Variants in TBC1D1 observed in about 807,000 individuals in gnomAD.
TBC1D1 encodes the protein TBC1 domain family member 1, also known as TBC1 (tre-2/USP6, BUB2, cdc16) domain family, member 1.
A neutral mutation model predicts 125.6 loss-of-function variants in TBC1D1; 89 were observed. The ratio of observed to expected loss-of-function variants is 0.71; its 90% CI spans 0.60 to 0.85. The LOEUF is 0.85. Ranked by LOEUF, TBC1D1 falls within the 40% of genes least tolerant of loss-of-function variation. The probability of loss-of-function intolerance (pLI) is 0.00; values close to 1 mark genes in which losing one functional copy is unlikely to be tolerated. For missense variants in TBC1D1, 1,377 were observed against 1,469.2 expected (o/e 0.94, Z 1.03); for synonymous variants, 565 against 564.1 (o/e 1.00, Z -0.02).
intron 2 of TBC1D1, chr4:37,951,887 T>C: frequency 1.5e-6 from 1 of 688,222 alleles, no homozygotes; most frequent in Non-Finnish European, 2.7e-6. Flanking sequence ...AATACTGACA[T>C]GGAGTTCAGG....
chr4:38,003,251 A>G (rs1264878097), intron 2 of TBC1D1, among the ~76,000 whole-genome samples: 2 of 152,156 alleles, frequency 1.3e-5, no homozygotes, highest in African/African-American at 4.8e-5. Flanking sequence ...GTATTTTGTA[A>G]GGTAGTGGTT....
At chr4:37,941,252 G>A (rs1206790218) in intron 2 of TBC1D1, among the ~76,000 whole-genome samples, 3 of 152,174 alleles carry the variant, frequency 2.0e-5, no homozygotes, top group African/African-American at 7.2e-5. Flanking sequence ...TTAGTCTTGG[G>A]AGAGTGTATG....
chr4:38,061,890 CAT>C (rs1235308138), intron 12 of TBC1D1, among the ~76,000 whole-genome samples: 1 of 152,122 alleles, frequency 6.6e-6, no homozygotes, highest in Non-Finnish European at 1.5e-5. Flanking sequence ...TTACATGTGT[CAT>C]ATATAGTTTT....
At chr4:37,891,439 CG>C in intron 1 of TBC1D1, 91 bp downstream of exon 1, 1 of 152,258 alleles carries the variant, frequency 6.6e-6, no homozygotes, top group South Asian at 2.1e-4. Flanking sequence ...GCCCCTGCCC[CG>C]CCTGGCCGCG....
intron 7 of TBC1D1, among the ~76,000 whole-genome samples, chr4:38,034,017 C>T (rs1746724999): frequency 6.6e-6 from 1 of 152,154 alleles, no homozygotes; most frequent in Non-Finnish European, 1.5e-5. Context: ...GGGTAAACAC[C>T]AAGGAGTGCA....
chr4:37,971,709 A>T (rs6828973), intron 2 of TBC1D1, among the ~76,000 whole-genome samples: 1 of 151,982 alleles, frequency 6.6e-6, no homozygotes, highest in African/African-American at 2.4e-5. Context: ...AAAGGATCTA[A>T]AACTGTAAGA....
intron 12 of TBC1D1, among the ~76,000 whole-genome samples, chr4:38,077,379 TGAG>T (rs964933595): frequency 9.2e-5 from 14 of 152,334 alleles, no homozygotes; most frequent in African/African-American, 2.4e-4. Context: ...CTGCAGCTAT[TGAG>T]GAGAAGAGTC....
At chr4:38,035,498 G>A in intron 7 of TBC1D1, 90 bp from the exon 8 acceptor site, 1 of 960,746 alleles carries the variant, frequency 1.0e-6, no homozygotes, top group South Asian at 1.5e-5. Flanking sequence ...CACTAGTTTA[G>A]TGGATGGAAG....
chr4:38,002,232 A>G (rs1739219435), intron 2 of TBC1D1, among the ~76,000 whole-genome samples: 1 of 152,222 alleles, frequency 6.6e-6, no homozygotes, highest in African/African-American at 2.4e-5. Context: ...TATACCCACC[A>G]TAAAAAAGAA....
Position 38,124,945 on chromosome 4 carries a change from T to G in TBC1D1, c.2963-17T>G. On this transcript the variant is annotated splice_polypyrimidine_tract_variant and intron_variant, in intron 17 of 19. Transcript: ENST00000261439. ...AACTGGTCTGGTTTAACTTTCTGCATTTCTGTGTTTTCTCAGATATGATTT... is the reference window on the plus strand; with the variant it reads ...AACTGGTCTGGTTTAACTTTCTGCAGTTCTGTGTTTTCTCAGATATGATTT... 1 of 1,612,348 alleles carries G rather than the reference T, an allele frequency of 6.2e-7. No individual in the cohort carries two copies. Among genetic ancestry groups the G allele is most frequent in the Non-Finnish European group, 8.5e-7 (1 of 1,178,996 alleles).
chr4:37,980,350 CTT>C (rs1734106035), intron 2 of TBC1D1, among the ~76,000 whole-genome samples: 1 of 152,162 alleles, frequency 6.6e-6, no homozygotes, highest in South Asian at 2.1e-4. Flanking sequence ...AGTGGGGACA[CTT>C]GACTTTTTAC....
At position 38,025,779 on chromosome 4, in the gene TBC1D1, T is replaced by G. The variant is rs953086452; in HGVS notation, c.1211-2009T>G. 5.3e-5 allele frequency among the ~76,000 whole-genome samples: 8 copies of G among 152,342 alleles called. 1 individual carries two copies. The highest frequency in any genetic ancestry group is 1.2e-4 in the African/African-American group (5 of 41,584). On this transcript the variant is annotated intron_variant, in intron 6 of 19. Coordinates refer to ENST00000261439, the MANE Select transcript of TBC1D1 (RefSeq NM_015173.4). ...ATCTTAACTCTGTTTCGCTTCGGCA[T>G]TTAAGTAGTTGATACAGTAAAGCCT...
chr4:37,949,543 C>A (rs1395984070), intron 2 of TBC1D1, among the ~76,000 whole-genome samples: 1 of 152,234 alleles, frequency 6.6e-6, no homozygotes, highest in Non-Finnish European at 1.5e-5. Context: ...AGTCTCTCTG[C>A]TTCTCAGCCT....
At chr4:38,058,035 C>T (rs1291385706) in intron 12 of TBC1D1, among the ~76,000 whole-genome samples, 1 of 152,216 alleles carries the variant, frequency 6.6e-6, no homozygotes, top group African/African-American at 2.4e-5. Context: ...ACCTGCATGT[C>T]TCCCTGTTGG....
chr4:37,919,867 C>G (rs1484837004), intron 2 of TBC1D1, among the ~76,000 whole-genome samples: 1 of 152,100 alleles, frequency 6.6e-6, no homozygotes, highest in African/African-American at 2.4e-5. Context: ...AATCCCAGCA[C>G]TTTGGGAGGC....
chr4:38,115,819 T>C lies in TBC1D1; in HGVS notation c.2667T>C (p.Tyr889=). 6.2e-7 allele frequency: 1 copy of C among 1,614,214 alleles called. No homozygotes were observed. Among genetic ancestry groups the C allele is most frequent in the Non-Finnish European group, 8.5e-7 (1 of 1,180,042 alleles). Residue 889 remains tyrosine (Y), a synonymous_variant, in exon 16 of 20, where the codon TAT becomes TAC. Coordinates refer to ENST00000261439, the MANE Select transcript of TBC1D1 (RefSeq NM_015173.4). ...CACTTCTAGACCAGGAAGTGGGATA[T>C]TGCCAAGGTCTCAGCTTTGTAGCAG...
chr4:38,103,431 G>C (rs1169155954), intron 15 of TBC1D1, among the ~76,000 whole-genome samples: 1 of 152,182 alleles, frequency 6.6e-6, no homozygotes, highest in African/African-American at 2.4e-5. Context: ...GTTCAGTCCA[G>C]TAACTCAAAT....
intron 15 of TBC1D1, among the ~76,000 whole-genome samples, chr4:38,111,158 C>T (rs1333351458): frequency 6.6e-6 from 1 of 152,218 alleles, no homozygotes; most frequent in Non-Finnish European, 1.5e-5. Context: ...CTACAGTGCT[C>T]AACACTGGAT....
chr4:37,990,962 A>T (rs1383726815), intron 2 of TBC1D1, among the ~76,000 whole-genome samples: 1 of 149,616 alleles, frequency 6.7e-6, no homozygotes, highest in Non-Finnish European at 1.5e-5. Context: ...CTTCAAGCTC[A>T]GTGTTGATCA....
Sources: gnomAD v4.1 joint callset for allele counts (sites outside exome capture counted in the v4.1 genomes callset) on GRCh38, gnomAD v4.1.1 for gene constraint, MANE v1.5 for transcripts, NCBI Gene and HGNC (gene_info 2026-07-23, HGNC 2026-07-21) for gene names.